Variants in DPYD observed in about 807,000 individuals in gnomAD.
The protein encoded by DPYD is dihydropyrimidine dehydrogenase.
A neutral mutation model predicts 116.2 loss-of-function variants in DPYD; 109 were observed. The observed-to-expected ratio is 0.94, with a 90% CI of 0.80 to 1.10. The LOEUF is 1.10. DPYD is among the 50% of genes least tolerant of loss of function. The pLI is 0.00. For missense variants in DPYD, 1,302 were observed against 1,254.5 expected, an observed-to-expected ratio of 1.04 and a Z score of -0.57; for synonymous variants, 440 against 432.0, an observed-to-expected ratio of 1.02 and a Z score of -0.23.
At chr1:97,134,296 G>C (rs918439097) in intron 20 of DPYD, among the ~76,000 whole-genome samples, 1 of 151,772 alleles carries the variant, frequency 6.6e-6, no homozygotes, top group Admixed American at 6.6e-5. Flanking sequence ...TTAAACCTGA[G>C]TATAAATATT....
In DPYD at chr1:97,740,493, T is replaced by C. The variant is rs1664202635; in HGVS notation, c.234-14A>G. ...CATTTCAGGCATCTAGGAAATAAAA[T>C]AACTATGTTAAGAAACTACAAGATA... On this transcript the variant is annotated splice_polypyrimidine_tract_variant and intron_variant, in intron 3 of 22. Coordinates refer to ENST00000370192, the MANE Select transcript of DPYD (RefSeq NM_000110.4). 2 of 1,603,710 alleles carry C rather than the reference T, an allele frequency of 1.2e-6. No homozygotes were observed. Among genetic ancestry groups the C allele is most frequent in the South Asian group, 1.1e-5 (1 of 90,908 alleles).
chr1:97,715,554 A>G (rs770817780), intron 5 of DPYD, among the ~76,000 whole-genome samples: 2 of 152,064 alleles, frequency 1.3e-5, no homozygotes, highest in Non-Finnish European at 1.5e-5. Context: ...GGCTCTTACT[A>G]CACTGGGTAT....
intron 18 of DPYD, among the ~76,000 whole-genome samples, chr1:97,273,740 T>C (rs746126728): frequency 4.6e-5 from 7 of 152,204 alleles, no homozygotes; most frequent in Admixed American, 1.3e-4. Context: ...CTTTCTTGCA[T>C]GAGTTCACAC....
At chr1:97,280,390 A>G (rs1376039429) in intron 18 of DPYD, among the ~76,000 whole-genome samples, 2 of 152,226 alleles carry the variant, frequency 1.3e-5, no homozygotes, top group Admixed American at 1.3e-4. Flanking sequence ...TAATGCAATC[A>G]AGAAGAAACC....
chr1:97,486,613 T>C (rs1305475991), intron 13 of DPYD, among the ~76,000 whole-genome samples: 1 of 152,192 alleles, frequency 6.6e-6, no homozygotes, highest in East Asian at 1.9e-4. Context: ...TCAACTTTAA[T>C]GATTCTGTAA....
chr1:97,096,472 G>C (rs1398498194), intron 21 of DPYD, among the ~76,000 whole-genome samples: 5 of 152,110 alleles, frequency 3.3e-5, no homozygotes, highest in African/African-American at 1.2e-4. Context: ...AGAAAGCTGG[G>C]AGAATTCCTA....
chr1:97,488,921 G>A (rs953013687), intron 13 of DPYD, among the ~76,000 whole-genome samples: 2 of 152,150 alleles, frequency 1.3e-5, no homozygotes, highest in African/African-American at 2.4e-5. Context: ...ACTCTCTATG[G>A]GGTAGCCCTG....
intron 14 of DPYD, among the ~76,000 whole-genome samples, chr1:97,398,521 CA>C (rs1274642872): frequency 6.6e-6 from 1 of 150,618 alleles, no homozygotes; most frequent in Non-Finnish European, 1.5e-5. Flanking sequence ...GGAATCACCA[CA>C]CTGACTTCAC....
chr1:97,485,450 C>A (rs918545467), intron 13 of DPYD, among the ~76,000 whole-genome samples: 4 of 152,198 alleles, frequency 2.6e-5, no homozygotes, highest in African/African-American at 9.7e-5. Context: ...GATCCACCCA[C>A]CTTAGCCTCC....
At chr1:97,721,150 A>T (rs1662901073) in intron 5 of DPYD, among the ~76,000 whole-genome samples, 1 of 151,760 alleles carries the variant, frequency 6.6e-6, no homozygotes, top group South Asian at 2.1e-4. Context: ...GATTAAGGAG[A>T]GCTTCAGGGA....
At chr1:97,471,003 G>A (rs1677617802) in intron 13 of DPYD, among the ~76,000 whole-genome samples, 1 of 151,970 alleles carries the variant, frequency 6.6e-6, no homozygotes, top group Admixed American at 6.6e-5. Flanking sequence ...AAAAAAAAAG[G>A]TTTCTGAATT....
chr1:97,598,046 G>A lies in DPYD; in HGVS notation c.851-2880C>T, dbSNP rs114280753. ...ATATATAATTGAGAGCTGGCACATC[G>A]TGAATACTCATTAAACATTAGCTAT... On this transcript the variant is annotated intron_variant, in intron 8 of 22. Coordinates refer to ENST00000370192, the MANE Select transcript of DPYD (RefSeq NM_000110.4). Among the ~76,000 whole-genome samples, 629 of 152,014 alleles carry A rather than the reference G, an allele frequency of 4.1e-3. 7 individuals carry two copies. Among genetic ancestry groups the A allele is most frequent in the African/African-American group, 0.014 (593 of 41,442 alleles).
At chr1:97,211,144 C>T (rs1173312766) in intron 19 of DPYD, among the ~76,000 whole-genome samples, 1 of 152,210 alleles carries the variant, frequency 6.6e-6, no homozygotes, top group Non-Finnish European at 1.5e-5. Flanking sequence ...CTACAAAGTA[C>T]TGCATGATCT....
chr1:97,585,488 T>C (rs567487942), intron 10 of DPYD, among the ~76,000 whole-genome samples: 2 of 152,280 alleles, frequency 1.3e-5, no homozygotes, highest in African/African-American at 4.8e-5. Flanking sequence ...TATATGTTTA[T>C]CTTTTTGAAA....
intron 8 of DPYD, among the ~76,000 whole-genome samples, chr1:97,613,652 G>A (rs1231229060): frequency 2.6e-5 from 4 of 151,958 alleles, no homozygotes; most frequent in African/African-American, 9.7e-5. Flanking sequence ...AATGGAAAGA[G>A]CTAGAGCATG....
At chr1:97,406,316 T>G (rs932225307) in intron 14 of DPYD, among the ~76,000 whole-genome samples, 7 of 149,422 alleles carry the variant, frequency 4.7e-5, no homozygotes, top group Non-Finnish European at 8.9e-5. Flanking sequence ...TTTTTATTTT[T>G]AAGTATATCT....
chr1:97,361,098 C>T (rs547847374), intron 16 of DPYD, among the ~76,000 whole-genome samples: 31 of 152,066 alleles, frequency 2.0e-4, no homozygotes, highest in Non-Finnish European at 3.8e-4. Context: ...ATCAAATAGA[C>T]ACAATAATAA....
rs201268158 is a variant in DPYD at position 97,448,616 on chromosome 1, CT to C, written c.1905+1442del. On this transcript the variant is annotated intron_variant, in intron 14 of 22. Transcript: ENST00000370192. ...CATATTATTTCTTTTTATAGTTGAT[CT>C]TTTTTTTTTTTTTAGTCCTTATCAT... is the stretch of plus-strand genomic sequence containing the variant. 3.4e-3 allele frequency among the ~76,000 whole-genome samples: 489 copies of C among 142,004 alleles called. 1 individual carries two copies. Among genetic ancestry groups the C allele is most frequent in the Admixed American group, 9.2e-3 (130 of 14,178 alleles). The allele number at this position is 142,004 out of a possible 152,430, so 93.2% of individuals were successfully genotyped here. A position where few individuals can be genotyped will look rare whatever the true frequency, so the allele number is the denominator to read the frequency against.
rs150126089 is a variant in DPYD, at chr1:97,604,327, T to C, written c.851-9161A>G. On this transcript the variant is annotated intron_variant, in intron 8 of 22. Transcript: ENST00000370192. ...ACCGCATCTCCTTATAGAACTGTTA[T>C]GTGGACAAGTAAGCATAAAATAGCT... 5.4e-3 allele frequency among the ~76,000 whole-genome samples: 818 copies of C among 152,252 alleles called. 3 individuals carry two copies. The highest frequency in any genetic ancestry group is 7.9e-3 in the Non-Finnish European group (540 of 68,012).
Sources: allele counts gnomAD v4.1 joint callset (sites outside exome capture counted in the v4.1 genomes callset), GRCh38; gene constraint gnomAD v4.1.1; transcripts MANE v1.5; gene names NCBI Gene and HGNC (gene_info 2026-07-23, HGNC 2026-07-21).